Variants in SLC25A21 observed in about 807,000 individuals in gnomAD.
SLC25A21 encodes solute carrier family 25 member 21, also known as mitochondrial 2-oxodicarboxylate carrier.
SLC25A21 carries 47 observed loss-of-function variants against 43.8 expected under a neutral mutation model. The ratio of observed to expected loss-of-function variants is 1.07; its 90% CI spans 0.85 to 1.37. The LOEUF is 1.37. Ranked by LOEUF, SLC25A21 falls within the 40% of genes most tolerant of loss-of-function variation. SLC25A21 has a pLI of 0.00. For missense variants in SLC25A21, 352 were observed against 350.2 expected (o/e 1.00, Z -0.04); for synonymous variants, 131 against 121.3 (o/e 1.08, Z -0.52).
chr14:36,971,971 G>A lies in SLC25A21; in HGVS notation c.71-96967C>T, dbSNP rs115776193. 7.4e-3 allele frequency among the ~76,000 whole-genome samples: 1,124 copies of A among 152,248 alleles called. 13 individuals carry two copies. Among genetic ancestry groups the A allele is most frequent in the African/African-American group, 0.025 (1,056 of 41,540 alleles). On this transcript the variant is annotated intron_variant, in intron 1 of 9. Transcript: ENST00000331299. ...CTATTGGGGATTACTTTTTAATTGTGTGTATATATACACACACATATATAC... is the reference window on the plus strand; with the variant it reads ...CTATTGGGGATTACTTTTTAATTGTATGTATATATACACACACATATATAC...
intron 1 of SLC25A21, among the ~76,000 whole-genome samples, chr14:36,902,519 C>T (rs848694): frequency 0.19 from 29,419 of 152,016 alleles, 3,389 homozygotes; most frequent in East Asian, 0.37. Flanking sequence ...ATCACATATT[C>T]CAGGGGTTCT....
chr14:37,037,995 T>G (rs1388129236), intron 1 of SLC25A21, among the ~76,000 whole-genome samples: 2 of 152,204 alleles, frequency 1.3e-5, no homozygotes, highest in Non-Finnish European at 2.9e-5. Context: ...CATTTTGCCC[T>G]TACTTAAACT....
rs117128514 is a variant in SLC25A21, at chr14:37,006,413, A to G, written c.71-131409T>C. 4.3e-3 allele frequency among the ~76,000 whole-genome samples: 660 copies of G among 152,230 alleles called. 6 individuals carry two copies. The highest frequency in any genetic ancestry group is 6.8e-3 in the Non-Finnish European group (463 of 67,974). On this transcript the variant is annotated intron_variant, in intron 1 of 9. Coordinates refer to ENST00000331299, the MANE Select transcript of SLC25A21 (RefSeq NM_030631.4). Reference sequence around the variant, plus strand: ...ATATACCCTAATCTTAAAATATTATATATGTATATACATCAACATACATGT... The same window carrying G: ...ATATACCCTAATCTTAAAATATTATGTATGTATATACATCAACATACATGT...
intron 6 of SLC25A21, among the ~76,000 whole-genome samples, chr14:36,712,349 C>CT (rs573742129): frequency 0.011 from 1,562 of 142,836 alleles, 20 homozygotes; most frequent in African/African-American, 0.031. Flanking sequence ...CTGTTCAGTG[C>CT]TTTTTTTTTT....
intron 1 of SLC25A21, among the ~76,000 whole-genome samples, chr14:36,970,891 T>C (rs1249493697): frequency 1.3e-5 from 2 of 152,254 alleles, no homozygotes; most frequent in African/African-American, 2.4e-5. Flanking sequence ...GAAAACCTTT[T>C]AGAAATTTTG....
At chr14:36,698,138 G>T (rs1479814553) in intron 7 of SLC25A21, among the ~76,000 whole-genome samples, 1 of 152,110 alleles carries the variant, frequency 6.6e-6, no homozygotes, top group African/African-American at 2.4e-5. Flanking sequence ...GCATTTGCTT[G>T]TCTGTAAAGT....
chr14:36,802,318 C>A (rs1273518013), intron 3 of SLC25A21, among the ~76,000 whole-genome samples: 1 of 152,092 alleles, frequency 6.6e-6, no homozygotes, highest in Admixed American at 6.6e-5. Context: ...CTATGTGATA[C>A]ACTATAGGAG....
intron 1 of SLC25A21, among the ~76,000 whole-genome samples, chr14:36,903,703 T>C (rs1011317905): frequency 6.6e-6 from 1 of 150,514 alleles, no homozygotes; most frequent in African/African-American, 2.4e-5. Flanking sequence ...GAGTTCTAGA[T>C]TGCTTGATAA....
At chr14:36,826,394 G>A (rs1888834115) in intron 2 of SLC25A21, among the ~76,000 whole-genome samples, 1 of 152,138 alleles carries the variant, frequency 6.6e-6, no homozygotes, top group East Asian at 1.9e-4. Flanking sequence ...ATAGTTTTGT[G>A]CTGTTTTCTC....
At chr14:36,963,097 G>C (rs779521089) in intron 1 of SLC25A21, among the ~76,000 whole-genome samples, 4 of 152,086 alleles carry the variant, frequency 2.6e-5, no homozygotes, top group Admixed American at 6.5e-5. Flanking sequence ...TCATTAAAGA[G>C]GTTGAAAGTC....
At chr14:37,128,905 G>T (rs553211848) in intron 1 of SLC25A21, among the ~76,000 whole-genome samples, 2 of 152,076 alleles carry the variant, frequency 1.3e-5, no homozygotes, top group African/African-American at 4.8e-5. Context: ...ATGATTTCTT[G>T]GTTAGCACAA....
intron 1 of SLC25A21, among the ~76,000 whole-genome samples, chr14:36,931,841 G>T (rs1892303720): frequency 6.6e-6 from 1 of 152,168 alleles, no homozygotes; most frequent in Non-Finnish European, 1.5e-5. Context: ...GAGTACTTAT[G>T]TGAATGGAGA....
intron 1 of SLC25A21, among the ~76,000 whole-genome samples, chr14:36,964,863 C>T (rs1238161419): frequency 6.6e-6 from 1 of 152,128 alleles, no homozygotes; most frequent in Non-Finnish European, 1.5e-5. Flanking sequence ...GGGAGGGTAA[C>T]AATCTTCCTA....
At chr14:37,051,085 T>A (rs1440849591) in intron 1 of SLC25A21, among the ~76,000 whole-genome samples, 1 of 152,228 alleles carries the variant, frequency 6.6e-6, no homozygotes, top group Non-Finnish European at 1.5e-5. Flanking sequence ...TTAGTTTACA[T>A]CATTAATATC....
intron 1 of SLC25A21, among the ~76,000 whole-genome samples, chr14:37,070,723 G>A (rs369196288): frequency 1.1e-4 from 17 of 152,296 alleles, no homozygotes; most frequent in African/African-American, 3.8e-4. Flanking sequence ...GGTAAAAAGA[G>A]AGATTGTTTA....
intron 1 of SLC25A21, among the ~76,000 whole-genome samples, chr14:37,045,707 T>G (rs914179056): frequency 6.6e-6 from 1 of 152,242 alleles, no homozygotes; most frequent in Admixed American, 6.5e-5. Flanking sequence ...TCATTCATCC[T>G]GATCGGGGTC....
intron 1 of SLC25A21, among the ~76,000 whole-genome samples, chr14:36,928,929 T>C (rs954096749): frequency 6.6e-6 from 1 of 152,174 alleles, no homozygotes; most frequent in African/African-American, 2.4e-5. Context: ...TTGTGCATAA[T>C]CCAGGCTTGC....
At chr14:37,017,950 T>A (rs1960899400) in intron 1 of SLC25A21, among the ~76,000 whole-genome samples, 1 of 151,916 alleles carries the variant, frequency 6.6e-6, no homozygotes, top group Non-Finnish European at 1.5e-5. Context: ...GTACCTAAAT[T>A]TTCATCCAGC....
chr14:36,977,202 A>G (rs990016101), intron 1 of SLC25A21, among the ~76,000 whole-genome samples: 1 of 152,130 alleles, frequency 6.6e-6, no homozygotes, highest in Non-Finnish European at 1.5e-5. Flanking sequence ...CTATGGCCTA[A>G]TCTATCCTCA....
Sources: allele counts gnomAD v4.1 joint callset (sites outside exome capture counted in the v4.1 genomes callset), GRCh38; gene constraint gnomAD v4.1.1; transcripts MANE v1.5; gene names NCBI Gene and HGNC (gene_info 2026-07-23, HGNC 2026-07-21).